ELSPBP1: variants seen among roughly 807,000 people sequenced by gnomAD.
ELSPBP1 encodes epididymal sperm-binding protein 1.
Under a neutral mutation model 33.3 loss-of-function variants are expected in ELSPBP1, and 38 were observed. The observed-to-expected ratio is 1.14, with a 90% CI of 0.88 to 1.50. ELSPBP1 has a LOEUF of 1.50. Among genes scored for constraint, ELSPBP1 ranks in the 40% most tolerant of loss-of-function variants. ELSPBP1 has a pLI of 0.00. For missense variants in ELSPBP1, 267 were observed against 263.5 expected (o/e 1.01, Z -0.09); for synonymous variants, 85 against 94.1 (o/e 0.90, Z 0.56).
chr19:47,996,276 G>T (rs1312869876), intron 1 of ELSPBP1, among the ~76,000 whole-genome samples: 1 of 152,068 alleles, frequency 6.6e-6, no homozygotes, highest in Non-Finnish European at 1.5e-5. Flanking sequence ...TGGATGAAAC[G>T]ATTTATCTCT....
chr19:47,999,189 T>A (rs1337929676), intron 1 of ELSPBP1, among the ~76,000 whole-genome samples: 2 of 152,194 alleles, frequency 1.3e-5, no homozygotes, highest in Admixed American at 6.5e-5. Flanking sequence ...CCCTGTTTAT[T>A]ATTTTTTTTC....
chr19:48,021,897 C>T (rs1054236374), intron 5 of ELSPBP1, among the ~76,000 whole-genome samples: 17 of 152,150 alleles, frequency 1.1e-4, no homozygotes, highest in African/African-American at 4.1e-4. Flanking sequence ...CAGGCATACA[C>T]CACACCCAAC....
rs1483410764 is a variant in ELSPBP1 at position 48,011,507 on chromosome 19, G to T, written c.71-2664G>T. 6.6e-6 allele frequency among the ~76,000 whole-genome samples: 1 copy of T among 151,660 alleles called. No individual in the cohort carries two copies. The highest frequency in any genetic ancestry group is 6.6e-5 in the Admixed American group (1 of 15,232). ...GATAATGACAATGACTGATAATGAT[G>T]ATGACAATGATGATGACAATGACTG... On this transcript the variant is annotated intron_variant, in intron 2 of 6. Transcript: ENST00000339841. This position sits in a 1 kb window ranked among gnomAD's most constrained non-coding sequence, Gnocchi z 4.5.
At chr19:48,019,157 A>G (rs1421691356) in intron 4 of ELSPBP1, among the ~76,000 whole-genome samples, 1 of 152,146 alleles carries the variant, frequency 6.6e-6, no homozygotes, top group Non-Finnish European at 1.5e-5. Flanking sequence ...CCATCTAAAA[A>G]AATAAAAAAT....
At position 48,022,243 on chromosome 19, in the gene ELSPBP1, C is replaced by A; in HGVS notation, c.588C>A (p.Cys196Ter). The A allele has an allele frequency of 6.2e-7, 1 of 1,613,892 alleles. No individual in the cohort carries two copies. The highest frequency in any genetic ancestry group is 8.5e-7 in the Non-Finnish European group (1 of 1,179,870). The part of the protein sequence containing the change: ...FNYKNKNYFN[C>*]TNEGSKENLV... ...ATAAAAACAAGAATTATTTTAACTG[C>A]ACTAACGAAGGATCAAAGGAGAACC... The change falls in exon 6 of 7, where the codon TGC (cysteine) becomes TGA (stop). Residue 196 changes from cysteine (C) to a stop codon, truncating the protein, a stop_gained. Transcript: ENST00000339841. LOFTEE classifies it high-confidence loss of function.
chr19:48,020,554 A>G (rs115067811), intron 5 of ELSPBP1, among the ~76,000 whole-genome samples: 2,699 of 152,272 alleles, frequency 0.018, 65 homozygotes, highest in African/African-American at 0.052. Context: ...TGTCGATTTC[A>G]TCAGTGACAA....
In ELSPBP1 at chr19:48,014,177, A is replaced by T; in HGVS notation, c.77A>T (p.His26Leu). ...TTCTCCTTCTGCCCTTCAGGGATGCATGAGGAATGTGTCTTTCCTTTCACC... is the reference window on the plus strand; with the variant it reads ...TTCTCCTTCTGCCCTTCAGGGATGCTTGAGGAATGTGTCTTTCCTTTCACC... ...LYSYESSGGM[H>L]EECVFPFTYK... The change falls in exon 3 of 7, where the codon CAT (histidine) becomes CTT (leucine). Residue 26 changes from histidine to leucine, a missense_variant. By Grantham distance (99) the His-to-Leu change is moderately conservative. Transcript: ENST00000339841. 6.2e-7 allele frequency: 1 copy of T among 1,613,400 alleles called. No individual in the cohort carries two copies. Among genetic ancestry groups the T allele is most frequent in the Non-Finnish European group, 8.5e-7 (1 of 1,179,628 alleles).
At chr19:48,009,778 A>T (rs1967058582) in intron 2 of ELSPBP1, among the ~76,000 whole-genome samples, 1 of 148,924 alleles carries the variant, frequency 6.7e-6, no homozygotes, top group African/African-American at 2.5e-5. Context: ...CAGCTGCTTG[A>T]CACAATAACA....
chr19:48,015,888 A>T lies in ELSPBP1; in HGVS notation c.209-5A>T. 9 of 1,604,982 alleles carry T rather than the reference A, an allele frequency of 5.6e-6. No individual in the cohort carries two copies. Among genetic ancestry groups the T allele is most frequent in the Non-Finnish European group, 6.8e-6 (8 of 1,172,554 alleles). On this transcript the variant is annotated splice_polypyrimidine_tract_variant and splice_region_variant and intron_variant, in intron 3 of 6. Coordinates refer to ENST00000339841, the MANE Select transcript of ELSPBP1 (RefSeq NM_022142.5). ...TAAGACACTCACGAACTCTGTTCCT[A>T]ACAGATTACCCACGCTGTATCTTCC...
chr19:48,006,065 A>C (rs1967014411), intron 1 of ELSPBP1, among the ~76,000 whole-genome samples: 1 of 152,038 alleles, frequency 6.6e-6, no homozygotes, highest in Admixed American at 6.6e-5. Flanking sequence ...GGCTCCAGTG[A>C]TCCTCCCACC....
chr19:47,999,769 A>G (rs961735358), intron 1 of ELSPBP1, among the ~76,000 whole-genome samples: 1 of 151,720 alleles, frequency 6.6e-6, no homozygotes, highest in African/African-American at 2.4e-5. Flanking sequence ...TGTCCAGTCT[A>G]CCGACAACTC....
At chr19:47,998,445 C>T (rs1241421605) in intron 1 of ELSPBP1, among the ~76,000 whole-genome samples, 2 of 151,566 alleles carry the variant, frequency 1.3e-5, no homozygotes, top group East Asian at 3.9e-4. Flanking sequence ...ATCAATCAAT[C>T]AATCTCAGGG....
intron 4 of ELSPBP1, among the ~76,000 whole-genome samples, chr19:48,017,763 G>A (rs1280353189): frequency 2.0e-5 from 3 of 151,958 alleles, no homozygotes; most frequent in South Asian, 2.1e-4. Flanking sequence ...GATCATGGTG[G>A]TGCGTGCCTG....
intron 1 of ELSPBP1, among the ~76,000 whole-genome samples, chr19:47,997,431 TA>T (rs1966922446): frequency 6.6e-6 from 1 of 152,226 alleles, no homozygotes; most frequent in African/African-American, 2.4e-5. Flanking sequence ...TGTATACATA[TA>T]TACACATCTA....
chr19:48,014,406 A>G lies in ELSPBP1; in HGVS notation c.208+98A>G. 7 of 1,395,760 alleles carry G rather than the reference A, an allele frequency of 5.0e-6. No individual in the cohort carries two copies. In the South Asian group the frequency reaches 5.5e-5, roughly 11 times the overall value. The allele number at this position is 1,395,760 out of a possible 1,614,324, so 86.5% of individuals were successfully genotyped here. A position where few individuals can be genotyped will look rare whatever the true frequency, so the allele number is the denominator to read the frequency against. ...CTATGACATGATCACATTTTTGCAG[A>G]CAAACGGTAATACGTATGCGTGCGT... On this transcript the variant is annotated intron_variant, in intron 3 of 6. Coordinates refer to ENST00000339841, the MANE Select transcript of ELSPBP1 (RefSeq NM_022142.5).
intron 6 of ELSPBP1, among the ~76,000 whole-genome samples, chr19:48,024,591 G>A (rs1967250327): frequency 1.3e-5 from 2 of 152,264 alleles, no homozygotes; most frequent in African/African-American, 4.8e-5. Flanking sequence ...GAGGGGGTTT[G>A]GAACTCTGGG....
rs996430585 is a variant in ELSPBP1, at chr19:48,012,279, A to T, written c.71-1892A>T. 2.0e-5 allele frequency among the ~76,000 whole-genome samples: 3 copies of T among 150,636 alleles called. No homozygotes were observed. In the Admixed American group the frequency reaches 2.0e-4, roughly 10 times the overall value. Reference sequence around the variant, plus strand: ...GCTGGGATTACAGGGGCACACCACCATGCCCGGCTAATCTTGTTTGTTTGT... The same window carrying T: ...GCTGGGATTACAGGGGCACACCACCTTGCCCGGCTAATCTTGTTTGTTTGT... On this transcript the variant is annotated intron_variant, in intron 2 of 6. Coordinates refer to ENST00000339841, the MANE Select transcript of ELSPBP1 (RefSeq NM_022142.5).
rs397937280 is a variant in ELSPBP1, at chr19:47,999,387, C to CTTTTTTTTTTTTTTTTTTTTT, written c.-18+4595_-18+4596insTTTTTTTTTTTTTTTTTTTTT. On this transcript the variant is annotated intron_variant, in intron 1 of 6. Coordinates refer to ENST00000339841, the MANE Select transcript of ELSPBP1 (RefSeq NM_022142.5). Reference sequence around the variant, plus strand: ...CCACCCCATACTGAAAGCCTCATTTCTTTTTTTTTTTTTTTTTTTGAGAAA... The same window carrying CTTTTTTTTTTTTTTTTTTTTT: ...CCACCCCATACTGAAAGCCTCATTTCTTTTTTTTTTTTTTTTTTTTTTTTTTTTTTTTTTTTTTTTGAGAAA... 1.5e-5 allele frequency among the ~76,000 whole-genome samples: 2 copies of CTTTTTTTTTTTTTTTTTTTTT among 129,976 alleles called. 1 individual carries two copies. Among genetic ancestry groups the CTTTTTTTTTTTTTTTTTTTTT allele is most frequent in the Non-Finnish European group, 3.2e-5 (2 of 62,696 alleles). The allele number at this position is 129,976 out of a possible 152,430, so 85.3% of individuals were successfully genotyped here. A position where few individuals can be genotyped will look rare whatever the true frequency, so the allele number is the denominator to read the frequency against.
chr19:48,020,149 G>A (rs771789179), intron 5 of ELSPBP1, among the ~76,000 whole-genome samples: 3 of 151,962 alleles, frequency 2.0e-5, no homozygotes, highest in Non-Finnish European at 4.4e-5. Flanking sequence ...ACACGCCAGG[G>A]TTTTTAAAAA....
Sources: allele counts gnomAD v4.1 joint callset (sites outside exome capture counted in the v4.1 genomes callset), GRCh38; gene constraint gnomAD v4.1.1; non-coding constraint Gnocchi (gnomAD v3.1); transcripts MANE v1.5; gene names NCBI Gene and HGNC (gene_info 2026-07-23, HGNC 2026-07-21).